Variants in ABI3BP observed in about 807,000 individuals in gnomAD.
ABI3BP encodes the protein target of Nesh-SH3.
ABI3BP carries 216 observed loss-of-function variants against 268.6 expected under a neutral mutation model. The observed-to-expected ratio is 0.80, with a 90% confidence interval of 0.72 to 0.90. The LOEUF (loss-of-function observed/expected upper bound fraction) is 0.90, where lower values mean the gene tolerates loss of function less well. Ranked by LOEUF, ABI3BP falls within the 40% of genes least tolerant of loss-of-function variation. The pLI is 0.00. For synonymous variants in ABI3BP, 730 were observed against 730.0 expected, an observed-to-expected ratio of 1.00 and a Z score of 0.00; for missense variants, 2,090 against 2,182.4, an observed-to-expected ratio of 0.96 and a Z score of 0.84.
At chr3:100,919,371 G>C (rs573794708) in intron 2 of ABI3BP, among the ~76,000 whole-genome samples, 9 of 152,144 alleles carry the variant, frequency 5.9e-5, no homozygotes, top group South Asian at 2.1e-4. Flanking sequence ...TTTTATGATA[G>C]AGAAGAAGAG....
In ABI3BP at chr3:100,895,493, A is replaced by T. The variant is rs143113419; in HGVS notation, c.461+3269T>A. On this transcript the variant is annotated intron_variant, in intron 4 of 67. Coordinates refer to ENST00000471714, the MANE Select transcript of ABI3BP (RefSeq NM_001375547.2). ...GTCCATAGTCAAAATATAAAAACAA[A>T]TTTCACTGTTATTTGCACAGGATAA... Among the ~76,000 whole-genome samples, 220 of 152,336 alleles carry T rather than the reference A, an allele frequency of 1.4e-3. 2 individuals are homozygous for T. Among genetic ancestry groups the T allele is most frequent in the African/African-American group, 5.1e-3 (213 of 41,574 alleles).
chr3:100,842,430 T>C (rs1028012360), intron 20 of ABI3BP, among the ~76,000 whole-genome samples: 2 of 152,230 alleles, frequency 1.3e-5, no homozygotes, highest in African/African-American at 4.8e-5. Context: ...TGGTACTGTG[T>C]CTGTGCTGTT....
At chr3:100,956,663 A>G (rs1430088869) in intron 1 of ABI3BP, among the ~76,000 whole-genome samples, 6 of 152,180 alleles carry the variant, frequency 3.9e-5, no homozygotes, top group Admixed American at 2.0e-4. Flanking sequence ...AGCTGGTGAT[A>G]AATACTGAGG....
intron 55 of ABI3BP, among the ~76,000 whole-genome samples, chr3:100,791,708 C>T (rs952793889): frequency 4.0e-5 from 6 of 151,606 alleles, no homozygotes; most frequent in Admixed American, 6.6e-5. Flanking sequence ...AAGTTTAAAA[C>T]GTAACAAAAA....
chr3:100,981,033 T>C (rs142058493), intron 1 of ABI3BP, among the ~76,000 whole-genome samples: 91 of 152,320 alleles, frequency 6.0e-4, no homozygotes, highest in Non-Finnish European at 4.4e-5. Flanking sequence ...AGGGACATAG[T>C]GATTTATGTT....
chr3:100,912,371 C>G (rs1199931289), intron 2 of ABI3BP, among the ~76,000 whole-genome samples: 6 of 136,406 alleles, frequency 4.4e-5, no homozygotes, highest in Admixed American at 7.4e-5. Context: ...AAAACAAAAA[C>G]CTCAAGGGAT....
rs531060244 is a variant in ABI3BP at position 100,750,376 on chromosome 3, A to G, written c.*119T>C. On this transcript the variant is annotated 3_prime_UTR_variant, in exon 68 of 68. Coordinates refer to ENST00000471714, the MANE Select transcript of ABI3BP (RefSeq NM_001375547.2). ...CTAATAATAAACATCTAGTATTGCTATTAATTAGATTGTAGACTTTTATAC... is the reference window on the plus strand; with the variant it reads ...CTAATAATAAACATCTAGTATTGCTGTTAATTAGATTGTAGACTTTTATAC... 75 of 640,576 alleles carry G rather than the reference A, an allele frequency of 1.2e-4. No individual in the cohort carries two copies. In the South Asian group the frequency reaches 1.7e-3, roughly 14 times the overall value. 39.7% of individuals were successfully genotyped at this position (640,576 alleles called of 1,614,324 possible).
chr3:100,939,723 A>G (rs567177873), intron 1 of ABI3BP, among the ~76,000 whole-genome samples: 1 of 152,260 alleles, frequency 6.6e-6, no homozygotes, highest in South Asian at 2.1e-4. Context: ...CACCACTGTC[A>G]TTGATAACAT....
At chr3:100,771,052 T>G in intron 61 of ABI3BP, 100 bp from the exon 62 acceptor site, 1 of 1,070,846 alleles carries the variant, frequency 9.3e-7, no homozygotes, top group South Asian at 2.5e-5. Flanking sequence ...GGTCTCATAT[T>G]ATAAGCGGAT....
chr3:100,852,490 C>T (rs1436513820), intron 14 of ABI3BP, among the ~76,000 whole-genome samples: 2 of 152,104 alleles, frequency 1.3e-5, no homozygotes, highest in African/African-American at 4.8e-5. Flanking sequence ...AGGCAGTAGC[C>T]CCACTTTGTA....
At chr3:100,859,261 T>C (rs1215030851) in intron 14 of ABI3BP, among the ~76,000 whole-genome samples, 1 of 152,176 alleles carries the variant, frequency 6.6e-6, no homozygotes, top group Admixed American at 6.5e-5. Context: ...AAACAGAATG[T>C]GCTCATTTGG....
intron 9 of ABI3BP, among the ~76,000 whole-genome samples, chr3:100,870,174 CTT>C: frequency 6.6e-6 from 1 of 152,082 alleles, no homozygotes; most frequent in South Asian, 2.1e-4. Flanking sequence ...TATGCCCACA[CTT>C]TGCAAAAAAC....
At chr3:100,837,213 G>T in intron 26 of ABI3BP, 42 bp from the exon 27 acceptor site, 1 of 1,495,980 alleles carries the variant, frequency 6.7e-7, no homozygotes, top group Non-Finnish European at 8.9e-7. Flanking sequence ...ATAAAAGCAA[G>T]GAAGTCTAAA....
rs371083577 is a variant in ABI3BP at position 100,977,043 on chromosome 3, A to T, written c.79+16263T>A. Among the ~76,000 whole-genome samples the T allele has an allele frequency of 6.6e-5, 10 of 152,312 alleles. No individual in the cohort carries two copies. In the East Asian group the frequency reaches 1.4e-3, roughly 21 times the overall value. On this transcript the variant is annotated intron_variant, in intron 1 of 67. Transcript: ENST00000471714. ...CATGTATTTTTCCAATCACTCTTTAATCAGCATTTATGCTCAGTTTTTTTG... is the reference window on the plus strand; with the variant it reads ...CATGTATTTTTCCAATCACTCTTTATTCAGCATTTATGCTCAGTTTTTTTG...
At chr3:100,852,669 C>G (rs1449111678) in intron 14 of ABI3BP, among the ~76,000 whole-genome samples, 1 of 152,164 alleles carries the variant, frequency 6.6e-6, no homozygotes, top group Admixed American at 6.5e-5. Flanking sequence ...TGGCACCTTC[C>G]CCTCCTGACA....
At chr3:100,758,422 A>G (rs1055149968) in intron 63 of ABI3BP, among the ~76,000 whole-genome samples, 19 of 152,200 alleles carry the variant, frequency 1.2e-4, no homozygotes, top group African/African-American at 4.3e-4. Context: ...TCATATTTGT[A>G]TCTCTAGATA....
intron 4 of ABI3BP, among the ~76,000 whole-genome samples, chr3:100,893,319 G>C (rs1022972604): frequency 6.6e-6 from 1 of 152,016 alleles, no homozygotes; most frequent in Non-Finnish European, 1.5e-5. Context: ...TCCTCAGCTT[G>C]CAGACGGCCT....
chr3:100,838,339 G>A (rs1233657266), intron 25 of ABI3BP, 55 bp from the exon 26 acceptor site: 4 of 1,525,980 alleles, frequency 2.6e-6, no homozygotes, highest in Non-Finnish European at 3.5e-6. Flanking sequence ...TGAATGTGGA[G>A]ATTAATGTTA....
chr3:100,976,169 T>C (rs1163617255), intron 1 of ABI3BP, among the ~76,000 whole-genome samples: 1 of 152,188 alleles, frequency 6.6e-6, no homozygotes, highest in East Asian at 1.9e-4. Context: ...GTCTTTAATG[T>C]TGTGAGAGAG....
Sources: gnomAD v4.1 joint callset for allele counts (sites outside exome capture counted in the v4.1 genomes callset) on GRCh38, gnomAD v4.1.1 for gene constraint, MANE v1.5 for transcripts, NCBI Gene and HGNC (gene_info 2026-07-23, HGNC 2026-07-21) for gene names.